Variants in B3GALT1 observed in about 807,000 individuals in gnomAD.
The protein encoded by B3GALT1 is beta-1,3-galactosyltransferase 1.
Under a neutral mutation model 23.2 loss-of-function variants are expected in B3GALT1, and 10 were observed. The ratio of observed to expected loss-of-function variants is 0.43; its 90% CI spans 0.27 to 0.73. B3GALT1 has a LOEUF of 0.73. B3GALT1 is among the 30% of genes least tolerant of loss of function. B3GALT1 has a pLI of 0.21. For synonymous variants in B3GALT1, 156 were observed against 141.5 expected (o/e 1.10, Z -0.73); for missense variants, 299 against 405.4 (o/e 0.74, Z 2.25).
intron 3 of B3GALT1, among the ~76,000 whole-genome samples, chr2:167,672,103 A>T (rs1333861513): frequency 6.6e-6 from 1 of 152,102 alleles, no homozygotes; most frequent in African/African-American, 2.4e-5. Context: ...ATTTTTAAAA[A>T]ATATTCCAAA....
intron 1 of B3GALT1, among the ~76,000 whole-genome samples, chr2:167,390,219 T>A (rs1256774422): frequency 6.6e-6 from 1 of 152,126 alleles, no homozygotes; most frequent in Non-Finnish European, 1.5e-5. Flanking sequence ...TGATTCAAGT[T>A]TGTGGGGGCT....
chr2:167,733,477 ATTC>A (rs1165944381), intron 3 of B3GALT1, among the ~76,000 whole-genome samples: 2 of 151,996 alleles, frequency 1.3e-5, no homozygotes, highest in South Asian at 2.1e-4. Context: ...GCCCAAGACA[ATTC>A]TTCTTCTTCC....
chr2:167,548,854 G>T (rs1436909396), intron 2 of B3GALT1, among the ~76,000 whole-genome samples: 1 of 151,756 alleles, frequency 6.6e-6, no homozygotes, highest in Non-Finnish European at 1.5e-5. Context: ...AAGAACTTGA[G>T]TTGTCTTTTT....
intron 3 of B3GALT1, among the ~76,000 whole-genome samples, chr2:167,759,990 T>C (rs961794208): frequency 3.3e-5 from 5 of 152,206 alleles, no homozygotes; most frequent in African/African-American, 9.6e-5. Flanking sequence ...GAAAAATACA[T>C]GACTATGGTC....
At chr2:167,749,396 A>G (rs1337124948) in intron 3 of B3GALT1, among the ~76,000 whole-genome samples, 1 of 152,128 alleles carries the variant, frequency 6.6e-6, no homozygotes, top group African/African-American at 2.4e-5. Flanking sequence ...TCACCTCTCA[A>G]TATAGACCCA....
intron 2 of B3GALT1, among the ~76,000 whole-genome samples, chr2:167,527,601 A>T (rs1574120110): frequency 6.6e-6 from 1 of 152,252 alleles, no homozygotes; most frequent in Non-Finnish European, 1.5e-5. Flanking sequence ...AAATAATAAA[A>T]CTTTATTTTC....
intron 3 of B3GALT1, among the ~76,000 whole-genome samples, chr2:167,816,350 T>G (rs1236270912): frequency 6.6e-6 from 1 of 152,146 alleles, no homozygotes; most frequent in Non-Finnish European, 1.5e-5. Context: ...AGAATGGATA[T>G]TCAAGATAAA....
chr2:167,626,240 C>T (rs774520458), intron 2 of B3GALT1, among the ~76,000 whole-genome samples: 18 of 151,440 alleles, frequency 1.2e-4, no homozygotes, highest in South Asian at 2.1e-4. Flanking sequence ...TTAAATAATA[C>T]GTTTATAAAT....
In B3GALT1 at chr2:167,676,554, C is replaced by CACAT. The variant is rs1553478068; in HGVS notation, c.-352+29589_-352+29590insCATA. The stretch of plus-strand genomic sequence containing the variant: ...ACACACACACACACACACACACACA[C>CACAT]ATATATATGTGTATGCATTTCTTTT... On this transcript the variant is annotated intron_variant, in intron 3 of 4. Transcript: ENST00000392690. Among the ~76,000 whole-genome samples the CACAT allele has an allele frequency of 8.7e-5, 11 of 126,364 alleles. No individual in the cohort carries two copies. The South Asian group carries it at 1.3e-3, about 14-fold the overall frequency. 82.9% of individuals were successfully genotyped at this position (126,364 alleles called of 152,430 possible).
chr2:167,374,809 G>C (rs1249936253), intron 1 of B3GALT1, among the ~76,000 whole-genome samples: 2 of 152,114 alleles, frequency 1.3e-5, no homozygotes, highest in Admixed American at 1.3e-4. Context: ...TTACTCTATT[G>C]ATAGTTTCTT....
At chr2:167,447,280 G>A (rs1053568338) in intron 1 of B3GALT1, among the ~76,000 whole-genome samples, 8 of 152,206 alleles carry the variant, frequency 5.3e-5, no homozygotes, top group African/African-American at 1.9e-4. Flanking sequence ...CTACTGGGGG[G>A]TGCCTCCCAG....
intron 2 of B3GALT1, among the ~76,000 whole-genome samples, chr2:167,637,294 C>A (rs1685573478): frequency 6.6e-6 from 1 of 151,976 alleles, no homozygotes; most frequent in South Asian, 2.1e-4. Context: ...CTTCTGTCAC[C>A]AATGTTCTGA....
At chr2:167,751,442 G>A (rs1360697345) in intron 3 of B3GALT1, among the ~76,000 whole-genome samples, 3 of 152,188 alleles carry the variant, frequency 2.0e-5, no homozygotes, top group Non-Finnish European at 4.4e-5. Context: ...ATGTGGAATG[G>A]AGTGGAGGAA....
chr2:167,547,770 C>T (rs1486371168), intron 2 of B3GALT1, among the ~76,000 whole-genome samples: 2 of 151,374 alleles, frequency 1.3e-5, no homozygotes, highest in Non-Finnish European at 2.9e-5. Flanking sequence ...GGTCTTCTGA[C>T]ATATCTTCCT....
intron 1 of B3GALT1, among the ~76,000 whole-genome samples, chr2:167,426,817 CAAGTT>C (rs1214599557): frequency 2.6e-5 from 4 of 152,178 alleles, no homozygotes; most frequent in Non-Finnish European, 4.4e-5. Context: ...GTAGCATTAT[CAAGTT>C]AAGTTGAAGA....
At chr2:167,532,628 C>A (rs1484667698) in intron 2 of B3GALT1, among the ~76,000 whole-genome samples, 1 of 151,802 alleles carries the variant, frequency 6.6e-6, no homozygotes, top group Non-Finnish European at 1.5e-5. Flanking sequence ...AAAAAAATAA[C>A]GTTCATACTC....
chr2:167,804,225 A>G (rs1213281007), intron 3 of B3GALT1, among the ~76,000 whole-genome samples: 2 of 152,084 alleles, frequency 1.3e-5, no homozygotes, highest in African/African-American at 4.8e-5. Context: ...CCTGACTTCA[A>G]GTGATCTGCG....
intron 1 of B3GALT1, among the ~76,000 whole-genome samples, chr2:167,374,045 T>C (rs1697726075): frequency 6.6e-6 from 1 of 152,192 alleles, no homozygotes; most frequent in Admixed American, 6.5e-5. Flanking sequence ...CCCCAGTGTC[T>C]GTTATTGCCA....
intron 1 of B3GALT1, among the ~76,000 whole-genome samples, chr2:167,436,602 T>C (rs1159120781): frequency 1.3e-5 from 2 of 152,210 alleles, no homozygotes; most frequent in East Asian, 3.8e-4. Context: ...TACATTGTTA[T>C]ATCCCTAGAT....
Sources: gnomAD v4.1 joint callset for allele counts (sites outside exome capture counted in the v4.1 genomes callset) on GRCh38, gnomAD v4.1.1 for gene constraint, MANE v1.5 for transcripts, NCBI Gene and HGNC (gene_info 2026-07-23, HGNC 2026-07-21) for gene names.